EPRS1: variants seen among roughly 807,000 people sequenced by gnomAD.
EPRS1 encodes bifunctional glutamate/proline--tRNA ligase.
Under a neutral mutation model 188.3 loss-of-function variants are expected in EPRS1, and 107 were observed. The observed-to-expected ratio is 0.57, with a 90% CI of 0.49 to 0.67. The LOEUF is 0.67. Among genes scored for constraint, EPRS1 ranks in the 30% least tolerant of loss-of-function variants. The probability of loss-of-function intolerance (pLI) is 0.00; values close to 1 mark genes in which losing one functional copy is unlikely to be tolerated. For missense variants in EPRS1, 1,577 were observed against 1,802.2 expected, an observed-to-expected ratio of 0.88 and a Z score of 2.26; for synonymous variants, 596 against 593.1, an observed-to-expected ratio of 1.00 and a Z score of -0.07.
chr1:219,976,496 T>C (rs538854531), intron 28 of EPRS1, among the ~76,000 whole-genome samples: 1 of 152,348 alleles, frequency 6.6e-6, no homozygotes, highest in Non-Finnish European at 1.5e-5. Flanking sequence ...ATGTTGGTTG[T>C]ACTATGTTGC....
At chr1:220,005,398 A>C (rs774145435) in intron 15 of EPRS1, 38 bp from the exon 16 acceptor site, 4 of 1,036,068 alleles carry the variant, frequency 3.9e-6, no homozygotes, top group East Asian at 4.9e-5. Context: ...ACTTTCTCAA[A>C]ATCATAGTAG....
At chr1:219,978,796 A>G in intron 27 of EPRS1, 77 bp from the exon 28 acceptor site, 1 of 1,007,270 alleles carries the variant, frequency 9.9e-7, no homozygotes, top group South Asian at 1.7e-5. Context: ...GTCGAAACCT[A>G]CCAGTGGCTA....
intron 17 of EPRS1, among the ~76,000 whole-genome samples, chr1:219,998,944 T>G (rs1347928327): frequency 6.7e-6 from 1 of 148,918 alleles, no homozygotes; most frequent in African/African-American, 2.5e-5. Context: ...AAAATCACAC[T>G]GCCTTGTGTG....
intron 28 of EPRS1, among the ~76,000 whole-genome samples, chr1:219,973,797 G>A (rs1049814421): frequency 1.4e-4 from 21 of 152,234 alleles, no homozygotes; most frequent in Non-Finnish European, 2.4e-4. Flanking sequence ...TCCTGATACA[G>A]TGGTATTCTC....
chr1:219,998,936 AAT>A (rs1368583845), intron 17 of EPRS1, among the ~76,000 whole-genome samples: 2 of 151,396 alleles, frequency 1.3e-5, no homozygotes, highest in African/African-American at 2.4e-5. Flanking sequence ...AAAAAAAAAA[AAT>A]CACACTGCCT....
At position 220,034,994 on chromosome 1, in the gene EPRS1, C is replaced by T. The variant is rs1262369336; in HGVS notation, c.151G>A (p.Val51Met). Residue 51 changes from valine (V) to methionine (M), a missense_variant, in exon 3 of 32, where the codon GTG becomes ATG. Around this residue, in one of 3 missense-constraint regions of EPRS1, gnomAD observed 1,278 missense variants for 1,457.4 expected, o/e 0.88. Coordinates refer to ENST00000366923, the MANE Select transcript of EPRS1 (RefSeq NM_004446.3). Reference protein sequence around the residue: ...HVSENVIFTDVNSILRYLARV... With the variant: ...HVSENVIFTDMNSILRYLARV... The stretch of plus-strand genomic sequence containing the variant: ...GCCAAGTAGCGAAGTATAGAATTCA[C>T]ATCTGTGAATATCACATTTCTAGAA... 1 of 1,579,738 alleles carries T rather than the reference C, an allele frequency of 6.3e-7. No homozygotes were observed. Among genetic ancestry groups the T allele is most frequent in the East Asian group, 2.3e-5 (1 of 44,300 alleles).
At chr1:220,023,570 A>G (rs937955452) in intron 8 of EPRS1, among the ~76,000 whole-genome samples, 2 of 152,226 alleles carry the variant, frequency 1.3e-5, no homozygotes, top group Non-Finnish European at 2.9e-5. Flanking sequence ...CTTGTACTAT[A>G]TATTATATTC....
At position 220,034,216 on chromosome 1, in the gene EPRS1, T is replaced by C. The variant is rs985143151; in HGVS notation, c.232-558A>G. Among the ~76,000 whole-genome samples the C allele has an allele frequency of 3.3e-5, 5 of 152,340 alleles. No homozygotes were observed. In the East Asian group the frequency reaches 5.8e-4, roughly 18 times the overall value. Reference sequence around the variant, plus strand: ...TCCCATAAGATTATAGTTTTATCTATGTTGTCTATGTTTAGATACACAAAT... The same window carrying C: ...TCCCATAAGATTATAGTTTTATCTACGTTGTCTATGTTTAGATACACAAAT... On this transcript the variant is annotated intron_variant, in intron 3 of 31. Transcript: ENST00000366923.
At chr1:220,022,197 T>C in intron 9 of EPRS1, 150 bp downstream of exon 9, 2 of 643,534 alleles carry the variant, frequency 3.1e-6, no homozygotes, top group South Asian at 2.0e-5. Context: ...CGTGAAAGGC[T>C]ACATGCCTTT....
chr1:220,040,110 ACT>A (rs1192091148), intron 2 of EPRS1, 73 bp downstream of exon 2: 2 of 934,332 alleles, frequency 2.1e-6, no homozygotes, highest in African/African-American at 1.7e-5. Context: ...AAAGAGGGAG[ACT>A]CTGTCTCTAA....
chr1:220,030,315 G>T, intron 6 of EPRS1, 71 bp downstream of exon 6: 1 of 945,686 alleles, frequency 1.1e-6, no homozygotes, highest in Non-Finnish European at 1.7e-6. Flanking sequence ...AATACTTTAA[G>T]TATTTAATCA....
Position 219,979,531 on chromosome 1 carries a change from G to A in EPRS1, c.3796C>T (p.Gln1266Ter). Reference sequence around the variant, plus strand: ...CCCCAGGAGTTTTGATAGGCAAATTGCTTCTCTCCTGGTATCTTTGGATCT... The same window carrying A: ...CCCCAGGAGTTTTGATAGGCAAATTACTTCTCTCCTGGTATCTTTGGATCT... ...FEDPKIPGEK[Q>*]FAYQNSWGLT... The change falls in exon 27 of 32, where the codon CAA (glutamine) becomes TAA (stop). Residue 1266 changes from glutamine (Q) to a stop codon, truncating the protein, a stop_gained. Coordinates refer to ENST00000366923, the MANE Select transcript of EPRS1 (RefSeq NM_004446.3). LOFTEE classifies it high-confidence loss of function. 6.2e-7 allele frequency: 1 copy of A among 1,613,724 alleles called. No homozygotes were observed. Among genetic ancestry groups the A allele is most frequent in the Non-Finnish European group, 8.5e-7 (1 of 1,179,696 alleles).
intron 2 of EPRS1, among the ~76,000 whole-genome samples, chr1:220,036,013 A>G (rs972839623): frequency 1.3e-5 from 2 of 152,142 alleles, no homozygotes; most frequent in East Asian, 3.9e-4. Context: ...CAGCCTGGCC[A>G]ACATGGTGAA....
chr1:219,997,973 T>C (rs1558050053), intron 17 of EPRS1, among the ~76,000 whole-genome samples: 1 of 152,240 alleles, frequency 6.6e-6, no homozygotes, highest in East Asian at 1.9e-4. Context: ...AGGTATCTAT[T>C]TGTGTATAAA....
chr1:219,983,582 G>C (rs908422318), intron 21 of EPRS1, among the ~76,000 whole-genome samples, 184 bp from the exon 22 acceptor site: 1 of 152,034 alleles, frequency 6.6e-6, no homozygotes, highest in Non-Finnish European at 1.5e-5. Context: ...ATATAACAGG[G>C]TTCCAAACTC....
At chr1:220,018,900 T>C in intron 11 of EPRS1, 95 bp downstream of exon 11, 8 of 689,820 alleles carry the variant, frequency 1.2e-5, no homozygotes, top group Non-Finnish European at 4.5e-6. Context: ...AAACAAGGAA[T>C]AGAAAGAACA....
In EPRS1 at chr1:219,996,998, A is replaced by G. The variant is rs1406395234; in HGVS notation, c.2526T>C (p.Ala842=). Residue 842 remains alanine, a synonymous_variant, in exon 18 of 32, where the codon GCT becomes GCC. Transcript: ENST00000366923. ...AQGEVVRKLK[A]EKSPKAKINE... ...ACATACTGACCTTAGGGGATTTTTC[A>G]GCTTTTAGCTTACGAACCACCTCCC... 1.3e-6 allele frequency: 2 copies of G among 1,597,094 alleles called. No homozygotes were observed. The highest frequency in any genetic ancestry group is 2.7e-5 in the African/African-American group (2 of 74,148).
intron 18 of EPRS1, among the ~76,000 whole-genome samples, chr1:219,995,598 G>A (rs982945155): frequency 2.0e-5 from 3 of 152,076 alleles, no homozygotes; most frequent in Non-Finnish European, 4.4e-5. Context: ...ATGGTTCTGC[G>A]GGATCTCAAC....
intron 18 of EPRS1, 59 bp downstream of exon 18, chr1:219,996,924 C>A: frequency 6.7e-7 from 1 of 1,499,026 alleles, no homozygotes; most frequent in Non-Finnish European, 8.9e-7. Flanking sequence ...TGAGACTACT[C>A]TAAGCAGTTT....
Sources: allele counts gnomAD v4.1 joint callset (sites outside exome capture counted in the v4.1 genomes callset), GRCh38; gene constraint gnomAD v4.1.1; regional missense constraint gnomAD v4.1.1; transcripts MANE v1.5; gene names NCBI Gene and HGNC (gene_info 2026-07-23, HGNC 2026-07-21).